The following CACNA1D variants were observed in gnomAD, a reference collection of about 807,000 sequenced individuals.
The protein encoded by CACNA1D is calcium voltage-gated channel subunit alpha1 D, also known as voltage-dependent L-type calcium channel subunit alpha-1D.
In CACNA1D, 55 loss-of-function variants were observed where a neutral mutation model predicts 257.1. That is an observed-to-expected ratio of 0.21 (90% CI 0.17 to 0.27). The LOEUF is 0.27. Ranked by LOEUF, CACNA1D falls within the 10% of genes least tolerant of loss-of-function variation. The pLI is 1.00. For missense variants in CACNA1D, 1,876 were observed against 2,784.0 expected (o/e 0.67, Z 7.34); for synonymous variants, 980 against 1,014.9 (o/e 0.97, Z 0.65).
In CACNA1D at chr3:53,660,207, G is replaced by A. The variant is rs777253945; in HGVS notation, c.698G>A (p.Gly233Asp). ...GGNHSSGKSGGFDVKALRAFR... is the reference protein window; with the variant it reads ...GGNHSSGKSGDFDVKALRAFR... ...AACCACTCAAGCGGCAAATCTGGAG[G>A]CTTTGATGTCAAAGCCCTCCGTGCC... The change falls in exon 5 of 48, where the codon GGC becomes GAC. Residue 233 changes from glycine (G) to aspartate (D), a missense_variant. Gly to Asp is a moderately conservative substitution (Grantham distance 94, BLOSUM62 -1). Around this residue, in one of 10 missense-constraint regions of CACNA1D, gnomAD observed 188 missense variants for 390.4 expected, o/e 0.48. Transcript: ENST00000350061. 1.9e-6 allele frequency: 3 copies of A among 1,614,068 alleles called. No homozygotes were observed. The highest frequency in any genetic ancestry group is 2.5e-6 in the Non-Finnish European group (3 of 1,179,914).
At chr3:53,576,194 T>G (rs1399587383) in intron 3 of CACNA1D, among the ~76,000 whole-genome samples, 2 of 152,184 alleles carry the variant, frequency 1.3e-5, no homozygotes, top group Non-Finnish European at 2.9e-5. Flanking sequence ...ACCGTCTGTT[T>G]CCATCACAGT....
intron 3 of CACNA1D, among the ~76,000 whole-genome samples, chr3:53,627,163 C>T (rs998654668): frequency 6.6e-6 from 1 of 152,220 alleles, no homozygotes; most frequent in Non-Finnish European, 1.5e-5. Flanking sequence ...GACCTCTCCA[C>T]CTCACAGGTC....
chr3:53,531,327 G>A (rs1361079286), intron 3 of CACNA1D, among the ~76,000 whole-genome samples: 2 of 152,136 alleles, frequency 1.3e-5, no homozygotes, highest in Non-Finnish European at 2.9e-5. Flanking sequence ...CAAGGTTTAC[G>A]TTAGCAGATT....
chr3:53,768,936 C>A (rs1036005673), intron 30 of CACNA1D, among the ~76,000 whole-genome samples: 1 of 152,228 alleles, frequency 6.6e-6, no homozygotes, highest in Non-Finnish European at 1.5e-5. Context: ...AGCCCCTAAC[C>A]GGAAGAGCCT....
In CACNA1D at chr3:53,495,600, A is replaced by C. The variant is rs555348126; in HGVS notation, c.67+367A>C. ...AGTCTTCAGCCGGAGCCCCCTTGCC[A>C]GCCTCTTCTCGCCTTCCACTCCTCC... On this transcript the variant is annotated intron_variant, in intron 1 of 47. Transcript: ENST00000350061. This position sits in a 1 kb window ranked among gnomAD's most constrained non-coding sequence, Gnocchi z 5.1. 6.6e-5 allele frequency among the ~76,000 whole-genome samples: 10 copies of C among 152,056 alleles called. No homozygotes were observed. The South Asian group carries it at 2.1e-3, about 32-fold the overall frequency.
intron 3 of CACNA1D, among the ~76,000 whole-genome samples, chr3:53,639,418 G>T (rs1280419463): frequency 6.7e-6 from 1 of 150,100 alleles, no homozygotes; most frequent in Non-Finnish European, 1.5e-5. Context: ...ATGGAGTCTC[G>T]CTCTGTCAAC....
Position 53,723,405 on chromosome 3 carries a change from T to A in CACNA1D, c.1667-29T>A. The A allele has an allele frequency of 1.9e-6, 3 of 1,567,764 alleles. No individual in the cohort carries two copies. The highest frequency in any genetic ancestry group is 2.6e-6 in the Non-Finnish European group (3 of 1,137,648). On this transcript the variant is annotated intron_variant, in intron 12 of 47. Transcript: ENST00000350061. The surrounding 1 kb of genome is among the most constrained non-coding windows in gnomAD (Gnocchi z 5.6). ...AGTCTGAGTGTCTTGCAGGAGACCC[T>A]GAGGATGGGTGCCCCTTTGTCTTTC...
In CACNA1D at chr3:53,800,563, T is replaced by C; in HGVS notation, c.5040+198T>C. The C allele has an allele frequency of 1.5e-6, 1 of 654,098 alleles. No individual in the cohort carries two copies. Among genetic ancestry groups the C allele is most frequent in the Non-Finnish European group, 2.8e-6 (1 of 357,518 alleles). The allele number at this position is 654,098 out of a possible 1,614,324, so 40.5% of individuals were successfully genotyped here. Reference sequence around the variant, plus strand: ...GCACCTCTTCTAGGGCCAGGCCAGCTCTTTCCCTGAGCTTACCCAGCTTCC... The same window carrying C: ...GCACCTCTTCTAGGGCCAGGCCAGCCCTTTCCCTGAGCTTACCCAGCTTCC... On this transcript the variant is annotated intron_variant, in intron 41 of 47. Transcript: ENST00000350061. The surrounding 1 kb of genome is among the most constrained non-coding windows in gnomAD (Gnocchi z 4.3).
At position 53,751,854 on chromosome 3, in the gene CACNA1D, G is replaced by A. The variant is rs2095229208; in HGVS notation, c.3622G>A (p.Glu1208Lys). The A allele has an allele frequency of 6.2e-7, 1 of 1,613,898 alleles. No homozygotes were observed. Among genetic ancestry groups the A allele is most frequent in the Non-Finnish European group, 8.5e-7 (1 of 1,180,004 alleles). ...GTACGTGGTGAACTCTTCGCCTTTC[G>A]AATACATGATGTTTGTCCTCATCAT... ...FWYVVNSSPF[E>K]YMMFVLIMLN... The change falls in exon 28 of 48, where the codon GAA (glutamate) becomes AAA (lysine). Residue 1208 changes from glutamate (E) to lysine (K), a missense_variant. By Grantham distance (56) the Glu-to-Lys change is moderately conservative. Transcript: ENST00000350061. This position sits in a 1 kb window ranked among gnomAD's most constrained non-coding sequence, Gnocchi z 4.3.
At chr3:53,656,495 GATAAA>G (rs1278509828) in intron 4 of CACNA1D, among the ~76,000 whole-genome samples, 3 of 151,962 alleles carry the variant, frequency 2.0e-5, no homozygotes, top group Non-Finnish European at 2.9e-5. Flanking sequence ...GAAAATATTG[GATAAA>G]ATCTTTATGA....
chr3:53,801,200 T>C lies in CACNA1D; in HGVS notation c.5183T>C (p.Leu1728Pro), dbSNP rs1281053080. The C allele has an allele frequency of 1.9e-6, 3 of 1,613,906 alleles. No homozygotes were observed. The highest frequency in any genetic ancestry group is 2.7e-5 in the African/African-American group (2 of 74,904). The change falls in exon 42 of 48, where the codon CTG (leucine) becomes CCG (proline). Residue 1728 changes from leucine (L) to proline (P), a missense_variant. Physicochemically the swap from Leu to Pro is moderately conservative, Grantham distance 98. This residue lies in a region of CACNA1D where 160 missense variants were observed against 236.6 expected (regional missense o/e 0.68). Coordinates refer to ENST00000350061, the MANE Select transcript of CACNA1D (RefSeq NM_001128840.3). Reference sequence around the variant, plus strand: ...CCTGCAAGTGATACTGAGAAACCGCTGTTTCCTCCAGCAGGAAATTCGGTG... The same window carrying C: ...CCTGCAAGTGATACTGAGAAACCGCCGTTTCCTCCAGCAGGAAATTCGGTG... ...IPPASDTEKP[L>P]FPPAGNSVCH...
At chr3:53,724,034 G>C (rs369298827) in intron 14 of CACNA1D, 35 bp downstream of exon 14, 1 of 1,538,492 alleles carries the variant, frequency 6.5e-7, no homozygotes, top group Non-Finnish European at 9.0e-7. Flanking sequence ...AAAGCACTTC[G>C]TGAGCAGCAG....
At position 53,501,670 on chromosome 3, in the gene CACNA1D, A is replaced by G. The variant is rs373329119; in HGVS notation, c.433A>G (p.Ile145Val). Residue 145 changes from isoleucine to valine, a missense_variant, in exon 3 of 48, where the codon ATT becomes GTT. Around this residue, in one of 10 missense-constraint regions of CACNA1D, gnomAD observed 188 missense variants for 390.4 expected, o/e 0.48. Transcript: ENST00000350061. Reference protein sequence around the residue: ...AIFANCVALAIYIPFPEDDSN... With the variant: ...AIFANCVALAVYIPFPEDDSN... ...TTTTGCCAATTGTGTGGCCTTAGCT[A>G]TTTACATCCCATTCCCTGAAGATGA... The G allele has an allele frequency of 1.7e-5, 27 of 1,605,056 alleles. No individual in the cohort carries two copies. In the African/African-American group the frequency reaches 1.9e-4, roughly 11 times the overall value.
intron 3 of CACNA1D, among the ~76,000 whole-genome samples, chr3:53,614,383 T>C (rs774392911): frequency 4.2e-4 from 64 of 152,134 alleles, no homozygotes; most frequent in Admixed American, 6.5e-4. Flanking sequence ...CAAGGGAAGA[T>C]GTGGGAGATA....
intron 8 of CACNA1D, among the ~76,000 whole-genome samples, chr3:53,684,504 T>G (rs2094457566): frequency 6.6e-6 from 1 of 151,326 alleles, no homozygotes; most frequent in Admixed American, 6.6e-5. Context: ...ATGCCTGTGG[T>G]CCCAGCTACT....
chr3:53,752,168 G>A (rs1196939458), intron 28 of CACNA1D, among the ~76,000 whole-genome samples: 1 of 152,156 alleles, frequency 6.6e-6, no homozygotes, highest in East Asian at 1.9e-4. Context: ...GCTCAATTCT[G>A]TAAACATTTA....
intron 14 of CACNA1D, among the ~76,000 whole-genome samples, chr3:53,726,138 G>A (rs2094932264): frequency 6.6e-6 from 1 of 152,222 alleles, no homozygotes; most frequent in African/African-American, 2.4e-5. Context: ...TCCAGAGTAT[G>A]TTGTTGAATG....
chr3:53,518,129 C>T (rs986228271), intron 3 of CACNA1D, among the ~76,000 whole-genome samples: 5 of 152,312 alleles, frequency 3.3e-5, no homozygotes, highest in South Asian at 4.1e-4. Flanking sequence ...TGGCTTTGCA[C>T]GTCGGGTGCT....
intron 28 of CACNA1D, among the ~76,000 whole-genome samples, chr3:53,752,125 G>A (rs2095231282): frequency 6.6e-6 from 1 of 152,180 alleles, no homozygotes; most frequent in Admixed American, 6.5e-5. Context: ...CAGCATGATG[G>A]TAGGTAACAT....
Sources: allele counts gnomAD v4.1 joint callset (sites outside exome capture counted in the v4.1 genomes callset), GRCh38; gene constraint gnomAD v4.1.1; regional missense constraint gnomAD v4.1.1; non-coding constraint Gnocchi (gnomAD v3.1); transcripts MANE v1.5; gene names NCBI Gene and HGNC (gene_info 2026-07-23, HGNC 2026-07-21).